Variants in GALNTL6 observed in about 807,000 individuals in gnomAD.
GALNTL6 encodes polypeptide N-acetylgalactosaminyltransferase-like 6.
A neutral mutation model predicts 73.7 loss-of-function variants in GALNTL6; 46 were observed. The ratio of observed to expected loss-of-function variants is 0.62; its 90% CI spans 0.49 to 0.80. The LOEUF (loss-of-function observed/expected upper bound fraction) is 0.80, where lower values mean the gene tolerates loss of function less well. Ranked by LOEUF, GALNTL6 falls within the 30% of genes least tolerant of loss-of-function variation. The pLI is 0.00. For missense variants in GALNTL6, 604 were observed against 755.0 expected, an observed-to-expected ratio of 0.80 and a Z score of 2.34; for synonymous variants, 259 against 263.7, an observed-to-expected ratio of 0.98 and a Z score of 0.17.
At chr4:172,452,422 C>G (rs1003023053) in intron 5 of GALNTL6, among the ~76,000 whole-genome samples, 1 of 151,908 alleles carries the variant, frequency 6.6e-6, no homozygotes, top group Non-Finnish European at 1.5e-5. Context: ...GCTATGTTTC[C>G]AGAGATACAT....
At chr4:172,665,929 TA>T (rs1731638050) in intron 5 of GALNTL6, among the ~76,000 whole-genome samples, 1 of 152,188 alleles carries the variant, frequency 6.6e-6, no homozygotes, top group Non-Finnish European at 1.5e-5. Context: ...GCTAAGTATT[TA>T]AACAGAAAAC....
chr4:172,520,162 A>G (rs1044447114), intron 5 of GALNTL6, among the ~76,000 whole-genome samples: 2 of 151,866 alleles, frequency 1.3e-5, no homozygotes, highest in African/African-American at 4.8e-5. Context: ...TATTATTCTT[A>G]TTTTAAGGAA....
intron 2 of GALNTL6, among the ~76,000 whole-genome samples, chr4:171,836,293 G>A (rs1164797370): frequency 2.0e-5 from 3 of 152,034 alleles, no homozygotes; most frequent in Non-Finnish European, 4.4e-5. Context: ...ACTCTGCACT[G>A]CTCTCAGTCA....
At chr4:171,894,314 T>C (rs1207738905) in intron 2 of GALNTL6, among the ~76,000 whole-genome samples, 1 of 152,106 alleles carries the variant, frequency 6.6e-6, no homozygotes, top group Middle Eastern at 3.2e-3. Flanking sequence ...TTAGTCAAGA[T>C]AGGGCTCACT....
At position 172,441,701 on chromosome 4, in the gene GALNTL6, G is replaced by A. The variant is rs188035100; in HGVS notation, c.553+93012G>A. Among the ~76,000 whole-genome samples the A allele has an allele frequency of 8.9e-4, 135 of 152,190 alleles. 1 individual carries two copies. Among genetic ancestry groups the A allele is most frequent in the Non-Finnish European group, 1.5e-4 (10 of 68,020 alleles). On this transcript the variant is annotated intron_variant, in intron 5 of 12. Transcript: ENST00000506823. Reference sequence around the variant, plus strand: ...CGTGTTTTAGATAAATTTCGTTCAGGCATGTGTTAGAATATGATTGTCCCT... The same window carrying A: ...CGTGTTTTAGATAAATTTCGTTCAGACATGTGTTAGAATATGATTGTCCCT...
intron 5 of GALNTL6, among the ~76,000 whole-genome samples, chr4:172,360,776 T>C (rs567464448): frequency 1.7e-3 from 262 of 152,242 alleles, no homozygotes; most frequent in African/African-American, 6.0e-3. Flanking sequence ...AAATGTAAGG[T>C]ATTATTAGTA....
At chr4:172,148,221 A>G (rs11946300) in intron 2 of GALNTL6, among the ~76,000 whole-genome samples, 1,538 of 152,278 alleles carry the variant, frequency 0.01, 26 homozygotes, top group African/African-American at 0.035. Flanking sequence ...AATATAATAT[A>G]TTTCATTTGG....
intron 2 of GALNTL6, among the ~76,000 whole-genome samples, chr4:172,198,725 G>A (rs1428227395): frequency 1.3e-5 from 2 of 152,152 alleles, no homozygotes; most frequent in African/African-American, 4.8e-5. Context: ...GGTCAACCAA[G>A]ACAACATATA....
intron 5 of GALNTL6, among the ~76,000 whole-genome samples, chr4:172,614,788 T>C (rs1738659339): frequency 6.6e-6 from 1 of 152,086 alleles, no homozygotes; most frequent in Non-Finnish European, 1.5e-5. Flanking sequence ...CCTAATAAGG[T>C]GGGTGTTGTG....
intron 5 of GALNTL6, among the ~76,000 whole-genome samples, chr4:172,701,149 T>C (rs893484213): frequency 6.6e-6 from 1 of 152,102 alleles, no homozygotes; most frequent in Admixed American, 6.6e-5. Flanking sequence ...TGAAGATATG[T>C]TTATTGATTT....
At chr4:172,320,691 G>A (rs1740727987) in intron 4 of GALNTL6, among the ~76,000 whole-genome samples, 1 of 151,770 alleles carries the variant, frequency 6.6e-6, no homozygotes, top group South Asian at 2.1e-4. Context: ...GAACAGGTTA[G>A]TGTGTAGAAC....
At chr4:172,216,069 T>C (rs28852995) in intron 2 of GALNTL6, among the ~76,000 whole-genome samples, 2,192 of 152,280 alleles carry the variant, frequency 0.014, 57 homozygotes, top group African/African-American at 0.05. Context: ...CAAACCATTA[T>C]TTCTTAGGTT....
intron 5 of GALNTL6, among the ~76,000 whole-genome samples, chr4:172,657,369 A>G (rs796709091): frequency 4.6e-5 from 7 of 152,328 alleles, no homozygotes; most frequent in African/African-American, 1.7e-4. Context: ...GCAATACAGA[A>G]GAAATTCATC....
intron 5 of GALNTL6, among the ~76,000 whole-genome samples, chr4:172,514,766 GC>G: frequency 6.6e-6 from 1 of 152,302 alleles, no homozygotes; most frequent in East Asian, 1.9e-4. Flanking sequence ...GACCAGGAGT[GC>G]CTACAGGGCT....
chr4:172,080,766 A>G (rs1731855546), intron 2 of GALNTL6, among the ~76,000 whole-genome samples: 1 of 151,806 alleles, frequency 6.6e-6, no homozygotes. Context: ...CTAAAAGGGC[A>G]GTTTTTATAG....
chr4:171,889,514 T>G (rs370908760), intron 2 of GALNTL6, among the ~76,000 whole-genome samples: 3 of 152,090 alleles, frequency 2.0e-5, no homozygotes, highest in African/African-American at 4.8e-5. Context: ...CTAGGCTGAG[T>G]CTATAAGAAA....
chr4:172,378,220 C>T (rs929676738), intron 5 of GALNTL6, among the ~76,000 whole-genome samples: 4 of 152,040 alleles, frequency 2.6e-5, no homozygotes, highest in East Asian at 1.9e-4. Flanking sequence ...GTCCTTGTTG[C>T]GTGTGAAAGC....
chr4:172,575,184 A>G (rs2110958852), intron 5 of GALNTL6, among the ~76,000 whole-genome samples: 1 of 152,220 alleles, frequency 6.6e-6, no homozygotes, highest in East Asian at 1.9e-4. Flanking sequence ...ACAATTCTTA[A>G]CTCCAGAAAC....
At chr4:171,874,669 G>A (rs549102207) in intron 2 of GALNTL6, among the ~76,000 whole-genome samples, 28 of 152,212 alleles carry the variant, frequency 1.8e-4, no homozygotes, top group East Asian at 1.9e-4. Context: ...CACTTGCAGC[G>A]GAAGTATTGA....
Sources: allele counts gnomAD v4.1 joint callset (sites outside exome capture counted in the v4.1 genomes callset), GRCh38; gene constraint gnomAD v4.1.1; transcripts MANE v1.5; gene names NCBI Gene and HGNC (gene_info 2026-07-23, HGNC 2026-07-21).